The following SHOX2 variants were observed in gnomAD, a reference collection of about 807,000 sequenced individuals.
SHOX2 encodes short stature homeobox protein 2.
Under a neutral mutation model 31.3 loss-of-function variants are expected in SHOX2, and 13 were observed. The observed-to-expected ratio is 0.42, with a 90% CI of 0.27 to 0.66. The LOEUF is 0.66. Ranked by LOEUF, SHOX2 falls within the 30% of genes least tolerant of loss-of-function variation. The probability of loss-of-function intolerance (pLI) is 0.27; values close to 1 mark genes in which losing one functional copy is unlikely to be tolerated. For synonymous variants in SHOX2, 244 were observed against 196.2 expected (o/e 1.24, Z -2.04); for missense variants, 473 against 443.0 (o/e 1.07, Z -0.61).
At chr3:158,101,294 A>C (rs1713472085) in intron 2 of SHOX2, among the ~76,000 whole-genome samples, 1 of 152,190 alleles carries the variant, frequency 6.6e-6, no homozygotes, top group Non-Finnish European at 1.5e-5. Context: ...AATCTTCAAA[A>C]ATTTCTCTGC....
At chr3:158,105,164 T>A in intron 1 of SHOX2, 1 of 1,316,836 alleles carries the variant, frequency 7.6e-7, no homozygotes, top group Non-Finnish European at 1.1e-6. Flanking sequence ...GCCCCTAAGA[T>A]CCAAAGATTC....
intron 1 of SHOX2, chr3:158,105,431 G>T: frequency 1.7e-6 from 1 of 595,574 alleles, no homozygotes; most frequent in South Asian, 2.0e-5. Flanking sequence ...GAACATCTGG[G>T]AAGGGCGCGC....
intron 1 of SHOX2, 195 bp from the exon 2 acceptor site, chr3:158,103,081 C>T: frequency 3.1e-6 from 2 of 645,052 alleles, no homozygotes; most frequent in Non-Finnish European, 2.7e-6. Context: ...CCCGGAGAAG[C>T]GCAAAGGTCA....
chr3:158,098,261 G>A lies in SHOX2; in HGVS notation c.726C>T (p.Asp242=). 1 of 1,613,862 alleles carries A rather than the reference G, an allele frequency of 6.2e-7. No homozygotes were observed. Among genetic ancestry groups the A allele is most frequent in the Non-Finnish European group, 8.5e-7 (1 of 1,179,882 alleles). The change falls in exon 5 of 5, where the codon GAC becomes GAT. Residue 242 remains aspartate, a synonymous_variant. Transcript: ENST00000483851. The stretch of plus-strand genomic sequence containing the variant: ...GGTGGTGCGCGTGCGCCACAGCGCT[G>A]TCCAGCTGCAGCTGCGCCTGAACCT... ...FQQVQAQLQL[D]SAVAHAHHHL...
chr3:158,099,588 C>T (rs1336862114), intron 4 of SHOX2, among the ~76,000 whole-genome samples: 1 of 152,198 alleles, frequency 6.6e-6, no homozygotes, highest in Non-Finnish European at 1.5e-5. Context: ...TCCTCTCTCT[C>T]TAAGGGCAAT....
rs1713819926 is a variant in SHOX2, at chr3:158,105,328, A to C, written c.346+351T>G. 24 of 589,904 alleles carry C rather than the reference A, an allele frequency of 4.1e-5. 1 individual carries two copies. In the South Asian group the frequency reaches 4.9e-4, roughly 12 times the overall value. 36.5% of individuals were successfully genotyped at this position (589,904 alleles called of 1,614,324 possible). ...CGTCTGGTTCAGCACCCCCTCCTGC[A>C]GCCCGGCCCCGCGAACTTCCACGTC... On this transcript the variant is annotated intron_variant, in intron 1 of 4. Coordinates refer to ENST00000483851, the MANE Select transcript of SHOX2 (RefSeq NM_001163678.2).
At chr3:158,102,641 T>C (rs1476437189) in intron 2 of SHOX2, 37 bp downstream of exon 2, 17 of 1,579,286 alleles carry the variant, frequency 1.1e-5, no homozygotes, top group Non-Finnish European at 1.5e-5. Flanking sequence ...AGGCTCTCTC[T>C]GCTCCCTGGG....
At chr3:158,103,154 T>C in intron 1 of SHOX2, 1 of 535,558 alleles carries the variant, frequency 1.9e-6, no homozygotes, top group Admixed American at 3.1e-5. Flanking sequence ...CAAACGTACC[T>C]CGACTCACCG....
At chr3:158,102,522 A>G (rs1197040923) in intron 2 of SHOX2, among the ~76,000 whole-genome samples, 156 bp downstream of exon 2, 1 of 151,260 alleles carries the variant, frequency 6.6e-6, no homozygotes, top group East Asian at 1.9e-4. Flanking sequence ...ACTAAGATCT[A>G]CTTTGGAAAA....
At chr3:158,103,815 G>C (rs755673721) in intron 1 of SHOX2, 2 of 152,178 alleles carry the variant, frequency 1.3e-5, no homozygotes, top group African/African-American at 4.8e-5. Context: ...CGCGATCCTC[G>C]GTTTCTATTG....
rs988545888 is a variant in SHOX2 at position 158,106,088 on chromosome 3, T to G, written c.-64A>C. 19 of 1,599,138 alleles carry G rather than the reference T, an allele frequency of 1.2e-5. No individual in the cohort carries two copies. Among genetic ancestry groups the G allele is most frequent in the Non-Finnish European group, 1.6e-5 (19 of 1,172,754 alleles). On this transcript the variant is annotated 5_prime_UTR_variant, in exon 1 of 5. Transcript: ENST00000483851. ...CAGAGCCCCGCTCTTTTTTTCCTTC[T>G]TCTTTTTTTACTGCTCCAGCCCCCC...
Position 158,106,090 on chromosome 3 carries a change from C to CT in SHOX2, c.-67dup, listed in dbSNP as rs976941873. On this transcript the variant is annotated 5_prime_UTR_variant, in exon 1 of 5. Transcript: ENST00000483851. ...GAGCCCCGCTCTTTTTTTCCTTCTT[C>CT]TTTTTTTACTGCTCCAGCCCCCCCA... 6.9e-6 allele frequency: 11 copies of CT among 1,596,976 alleles called. No individual in the cohort carries two copies. Among genetic ancestry groups the CT allele is most frequent in the African/African-American group, 1.4e-5 (1 of 73,580 alleles).
chr3:158,103,441 G>T (rs1360598613), intron 1 of SHOX2: 1 of 173,154 alleles, frequency 5.8e-6, no homozygotes, highest in Non-Finnish European at 1.3e-5. Flanking sequence ...GGAACAATTG[G>T]GCCGAAAGGT....
At chr3:158,103,370 C>G (rs1255804011) in intron 1 of SHOX2, 1 of 203,046 alleles carries the variant, frequency 4.9e-6, no homozygotes, top group Non-Finnish European at 1.0e-5. Context: ...CTGGCTCGTT[C>G]TCAGGCCAGC....
rs1459674106 is a variant in SHOX2, at chr3:158,097,975, C to T, written c.*52G>A. 4 of 1,542,910 alleles carry T rather than the reference C, an allele frequency of 2.6e-6. No homozygotes were observed. Among genetic ancestry groups the T allele is most frequent in the Non-Finnish European group, 2.6e-6 (3 of 1,145,128 alleles). ...CGGAGAAGCAGCGGGGCGCGGAGGG[C>T]GTGCAGGCTGAGTGCCGCGGGACAG... On this transcript the variant is annotated 3_prime_UTR_variant, in exon 5 of 5. Coordinates refer to ENST00000483851, the MANE Select transcript of SHOX2 (RefSeq NM_001163678.2).
chr3:158,101,521 C>G (rs896602052), intron 2 of SHOX2, among the ~76,000 whole-genome samples: 6 of 152,200 alleles, frequency 3.9e-5, no homozygotes, highest in African/African-American at 1.2e-4. Flanking sequence ...AAAAGGAAGG[C>G]TCTGCTGCTG....
rs1312332767 is a variant in SHOX2 at position 158,096,720 on chromosome 3, C to A, written c.*1307G>T. 6.6e-6 allele frequency: 1 copy of A among 152,104 alleles called. No homozygotes were observed. Among genetic ancestry groups the A allele is most frequent in the Non-Finnish European group, 1.5e-5 (1 of 67,938 alleles). 9.4% of individuals were successfully genotyped at this position (152,104 alleles called of 1,614,324 possible). A position where few individuals can be genotyped will look rare whatever the true frequency, so the allele number is the denominator to read the frequency against. On this transcript the variant is annotated 3_prime_UTR_variant, in exon 5 of 5. Coordinates refer to ENST00000483851, the MANE Select transcript of SHOX2 (RefSeq NM_001163678.2). ...GGAACTAATACTGATTGAGCGCCTA[C>A]TGTGTCTGGCACAGCGAGGCGCTGT... is the stretch of plus-strand genomic sequence containing the variant.
rs1608113 is a variant in SHOX2 at position 158,097,428 on chromosome 3, A to T, written c.*599T>A. 68,611 of 151,954 alleles carry T rather than the reference A, an allele frequency of 0.45. 16,310 individuals carry two copies. Among genetic ancestry groups the T allele is most frequent in the African/African-American group, 0.58 (24,075 of 41,392 alleles). 9.4% of individuals were successfully genotyped at this position (151,954 alleles called of 1,614,324 possible). A position where few individuals can be genotyped will look rare whatever the true frequency, so the allele number is the denominator to read the frequency against. On this transcript the variant is annotated 3_prime_UTR_variant, in exon 5 of 5. Coordinates refer to ENST00000483851, the MANE Select transcript of SHOX2 (RefSeq NM_001163678.2). ...TGCTTTGCCTTCTTAGCGCATTTTT[A>T]AAAACACACATTTAAGTTGGTAACT...
rs773171591 is a variant in SHOX2, at chr3:158,105,684, G to T, written c.341C>A (p.Thr114Lys). The T allele has an allele frequency of 6.6e-7, 1 of 1,522,372 alleles. No individual in the cohort carries two copies. Among genetic ancestry groups the T allele is most frequent in the Admixed American group, 2.1e-5 (1 of 48,514 alleles). The allele number at this position is 1,522,372 out of a possible 1,614,324, so 94.3% of individuals were successfully genotyped here. The change falls in exon 1 of 5, where the codon ACG becomes AAG. Residue 114 changes from threonine to lysine, a missense_variant. This residue lies in a region of SHOX2 where 276 missense variants were observed against 230.0 expected (regional missense o/e 1.20). Coordinates refer to ENST00000483851, the MANE Select transcript of SHOX2 (RefSeq NM_001163678.2). Reference protein sequence around the residue: ...RSREPGSPRLTEVSPELKDRK... With the variant: ...RSREPGSPRLKEVSPELKDRK... ...GGGGTCAGTCAGGTCGTTACCCTCC[G>T]TCAGTCGCGGGCTGCCCGGCTCCCT...
Sources: allele counts gnomAD v4.1 joint callset (sites outside exome capture counted in the v4.1 genomes callset), GRCh38; gene constraint gnomAD v4.1.1; regional missense constraint gnomAD v4.1.1; transcripts MANE v1.5; gene names NCBI Gene and HGNC (gene_info 2026-07-23, HGNC 2026-07-21).